Variants in THSD4 observed in about 807,000 individuals in gnomAD.
THSD4 encodes thrombospondin type-1 domain-containing protein 4.
THSD4 carries 69 observed loss-of-function variants against 119.0 expected under a neutral mutation model. The observed-to-expected ratio is 0.58, with a 90% CI of 0.48 to 0.71. The LOEUF is 0.71. THSD4 is among the 30% of genes least tolerant of loss of function. The pLI is 0.00. For synonymous variants in THSD4, 524 were observed against 540.4 expected (o/e 0.97, Z 0.42); for missense variants, 1,393 against 1,391.1 (o/e 1.00, Z -0.02).
At chr15:71,763,941 C>T (rs1280832428) in intron 15 of THSD4, among the ~76,000 whole-genome samples, 1 of 152,030 alleles carries the variant, frequency 6.6e-6, no homozygotes, top group Non-Finnish European at 1.5e-5. Context: ...TGACATATGC[C>T]TGTAATTCCC....
At chr15:71,235,713 C>T (rs555694594) in intron 4 of THSD4, among the ~76,000 whole-genome samples, 4 of 152,016 alleles carry the variant, frequency 2.6e-5, no homozygotes, top group Admixed American at 2.0e-4. Flanking sequence ...CAGCCTCTCC[C>T]GAGTAGCTGG....
chr15:71,374,137 T>G (rs1365683409), intron 6 of THSD4, among the ~76,000 whole-genome samples: 3 of 152,200 alleles, frequency 2.0e-5, no homozygotes, highest in East Asian at 3.9e-4. Context: ...AAACACATGT[T>G]TCTAGTGCTC....
chr15:71,666,855 A>G (rs1020504274), intron 8 of THSD4, among the ~76,000 whole-genome samples: 12 of 152,234 alleles, frequency 7.9e-5, no homozygotes, highest in Admixed American at 7.9e-4. Context: ...GGCCTAGCCT[A>G]CTAGACTCAG....
At chr15:71,696,685 C>G (rs1220156135) in intron 8 of THSD4, among the ~76,000 whole-genome samples, 1 of 152,100 alleles carries the variant, frequency 6.6e-6, no homozygotes, top group African/African-American at 2.4e-5. Context: ...AAAATCACAC[C>G]CTTGGCATAC....
intron 6 of THSD4, among the ~76,000 whole-genome samples, chr15:71,394,876 C>T (rs936299340): frequency 4.6e-5 from 7 of 152,208 alleles, no homozygotes; most frequent in African/African-American, 1.7e-4. Flanking sequence ...GACATCTCCA[C>T]CCGCTTCTAC....
At chr15:71,283,137 T>A (rs1270440628) in intron 6 of THSD4, among the ~76,000 whole-genome samples, 1 of 151,966 alleles carries the variant, frequency 6.6e-6, no homozygotes, top group East Asian at 1.9e-4. Context: ...ACCCGGTTAA[T>A]GTTTTGTATT....
intron 4 of THSD4, among the ~76,000 whole-genome samples, chr15:71,219,091 C>T (rs111644430): frequency 1.1e-3 from 169 of 152,130 alleles, no homozygotes; most frequent in African/African-American, 3.3e-3. Context: ...TAATAACACA[C>T]GTAAAATCTG....
intron 8 of THSD4, among the ~76,000 whole-genome samples, chr15:71,669,231 T>G (rs1269218316): frequency 6.6e-6 from 1 of 152,234 alleles, no homozygotes; most frequent in Non-Finnish European, 1.5e-5. Context: ...CCACTAATTT[T>G]TATTGTTCTT....
chr15:71,135,236 A>AGGGGGGG (rs2040538841), intron 1 of THSD4, among the ~76,000 whole-genome samples: 1 of 65,284 alleles, frequency 1.5e-5, no homozygotes, highest in Non-Finnish European at 2.9e-5. Context: ...GGTAGGGGGG[A>AGGGGGGG]GGGGTAGCAT....
intron 7 of THSD4, among the ~76,000 whole-genome samples, chr15:71,489,365 T>C (rs1045838170): frequency 3.3e-5 from 5 of 152,196 alleles, no homozygotes; most frequent in African/African-American, 9.7e-5. Flanking sequence ...GTATTTAAAA[T>C]GTATTTAAAA....
intron 7 of THSD4, among the ~76,000 whole-genome samples, chr15:71,454,683 T>C (rs899932675): frequency 1.3e-5 from 2 of 152,224 alleles, no homozygotes; most frequent in African/African-American, 4.8e-5. Flanking sequence ...TTAAAATTCA[T>C]TCTAAGTGGT....
intron 6 of THSD4, among the ~76,000 whole-genome samples, chr15:71,352,884 G>T (rs1010658270): frequency 6.6e-6 from 1 of 152,226 alleles, no homozygotes; most frequent in Non-Finnish European, 1.5e-5. Flanking sequence ...GGACATGGGT[G>T]GAAGGACATT....
At chr15:71,103,675 T>A (rs2040262536) in intron 1 of THSD4, among the ~76,000 whole-genome samples, 1 of 152,010 alleles carries the variant, frequency 6.6e-6, no homozygotes. Context: ...TCCCCTCTCT[T>A]GGAATCTTAG....
At chr15:71,571,364 G>A (rs958530589) in intron 7 of THSD4, among the ~76,000 whole-genome samples, 9 of 151,982 alleles carry the variant, frequency 5.9e-5, no homozygotes, top group African/African-American at 2.2e-4. Context: ...ATAAACCCTG[G>A]CCCAGGCTTT....
chr15:71,727,581 TATATATACACACACAC>T (rs1264735098), intron 8 of THSD4, among the ~76,000 whole-genome samples: 133 of 6,556 alleles, frequency 0.02, no homozygotes, highest in South Asian at 0.045. Context: ...TATATATATA[TATATATACACACACAC>T]ACACACACAC....
chr15:71,188,190 G>C (rs188744689), intron 3 of THSD4, among the ~76,000 whole-genome samples: 2 of 152,304 alleles, frequency 1.3e-5, no homozygotes, highest in East Asian at 3.9e-4. Context: ...GTTTGCAGAA[G>C]GAAGGGAGCC....
At chr15:71,143,472 G>A (rs1385894149) in intron 2 of THSD4, among the ~76,000 whole-genome samples, 3 of 151,974 alleles carry the variant, frequency 2.0e-5, no homozygotes, top group South Asian at 2.1e-4. Context: ...GGTCACAGTC[G>A]GTTATTGAAC....
chr15:71,518,242 G>A (rs940895716), intron 7 of THSD4, among the ~76,000 whole-genome samples: 10 of 151,964 alleles, frequency 6.6e-5, no homozygotes, highest in Non-Finnish European at 1.5e-5. Flanking sequence ...ACTCAGTTAG[G>A]CTGTGGAAAA....
rs1280677666 is a variant in THSD4 at position 71,512,068 on chromosome 15, GA to G, written c.1152+100246del. 5.9e-5 allele frequency among the ~76,000 whole-genome samples: 9 copies of G among 152,214 alleles called. No homozygotes were observed. The East Asian group carries it at 1.2e-3, about 20-fold the overall frequency. On this transcript the variant is annotated intron_variant, in intron 7 of 17. Transcript: ENST00000261862. ...CAGAGACCTTTCTCTGGCTTCTCTG[GA>G]GACCGAGTTTTGTTGTTATCCCAGC...
Sources: allele counts gnomAD v4.1 joint callset (sites outside exome capture counted in the v4.1 genomes callset), GRCh38; gene constraint gnomAD v4.1.1; transcripts MANE v1.5; gene names NCBI Gene and HGNC (gene_info 2026-07-23, HGNC 2026-07-21).